Variants in TUB observed in about 807,000 individuals in gnomAD.
TUB encodes TUB bipartite transcription factor, also known as tubby protein homolog.
In TUB, 33 loss-of-function variants were observed where a neutral mutation model predicts 59.7. That is an observed-to-expected ratio of 0.55 (90% CI 0.42 to 0.74). The LOEUF (loss-of-function observed/expected upper bound fraction) is 0.74. TUB is among the 30% of genes least tolerant of loss of function. The pLI is 0.00. For synonymous variants in TUB, 293 were observed against 256.4 expected, an observed-to-expected ratio of 1.14 and a Z score of -1.36; for missense variants, 659 against 672.0, an observed-to-expected ratio of 0.98 and a Z score of 0.21.
intron 9 of TUB, 126 bp downstream of exon 9, chr11:8,099,001 C>T: frequency 2.7e-6 from 2 of 741,128 alleles, no homozygotes; most frequent in Non-Finnish European, 4.7e-6. Flanking sequence ...AGGGGCTGTC[C>T]TCTGTGGAGT....
intron 2 of TUB, among the ~76,000 whole-genome samples, chr11:8,063,435 T>G (rs1034507036): frequency 1.3e-5 from 2 of 152,250 alleles, no homozygotes; most frequent in African/African-American, 4.8e-5. Context: ...GACTGCACGT[T>G]TGCTTCCATG....
intron 2 of TUB, among the ~76,000 whole-genome samples, chr11:8,051,742 A>G (rs1942938365): frequency 6.6e-6 from 1 of 152,246 alleles, no homozygotes; most frequent in South Asian, 2.1e-4. Context: ...GAACATGCTT[A>G]GAAAAGCTCC....
intron 1 of TUB, among the ~76,000 whole-genome samples, chr11:8,083,017 G>C (rs1165892187): frequency 6.6e-6 from 1 of 152,210 alleles, no homozygotes; most frequent in Non-Finnish European, 1.5e-5. Context: ...CAGGGACTGG[G>C]GCTGTGCTGA....
At chr11:8,085,626 C>T (rs943584140) in intron 1 of TUB, among the ~76,000 whole-genome samples, 1 of 152,202 alleles carries the variant, frequency 6.6e-6, no homozygotes, top group Non-Finnish European at 1.5e-5. Flanking sequence ...GCAGGGGTAG[C>T]TTCCACTGTG....
At chr11:8,094,321 T>C (rs927390499) in intron 4 of TUB, 132 bp downstream of exon 4, 31 of 1,222,860 alleles carry the variant, frequency 2.5e-5, no homozygotes, top group Non-Finnish European at 3.4e-5. Context: ...ACTGCCACTC[T>C]GGGCACCCCC....
intron 6 of TUB, 84 bp downstream of exon 6, chr11:8,096,890 C>T (rs531767428): frequency 1.0e-4 from 154 of 1,500,318 alleles, no homozygotes; most frequent in Admixed American, 4.0e-4. Flanking sequence ...GAGATGGACT[C>T]GTATGCCTTT....
At chr11:8,073,388 ATTGT>A (rs1159911419) in intron 2 of TUB, among the ~76,000 whole-genome samples, 1 of 152,192 alleles carries the variant, frequency 6.6e-6, no homozygotes, top group African/African-American at 2.4e-5. Context: ...TCAGAATAGG[ATTGT>A]TTAATATGCA....
chr11:8,084,602 G>A (rs1943632250), intron 1 of TUB, among the ~76,000 whole-genome samples: 1 of 152,210 alleles, frequency 6.6e-6, no homozygotes, highest in South Asian at 2.1e-4. Flanking sequence ...TGAGGCCATT[G>A]CCTGGTGTTT....
chr11:8,057,340 G>A (rs35807385), intron 2 of TUB, among the ~76,000 whole-genome samples: 25,704 of 152,092 alleles, frequency 0.17, 2,474 homozygotes, highest in African/African-American at 0.24. Context: ...TCAAGGCCCA[G>A]TAACGAGATG....
chr11:8,060,817 T>G (rs1481067185), intron 2 of TUB, among the ~76,000 whole-genome samples: 1 of 152,198 alleles, frequency 6.6e-6, no homozygotes, highest in Non-Finnish European at 1.5e-5. Flanking sequence ...CTTGCCAACA[T>G]AGAAGCTGAT....
chr11:8,021,750 A>G (rs796748584), intron 1 of TUB, among the ~76,000 whole-genome samples: 12 of 151,648 alleles, frequency 7.9e-5, no homozygotes, highest in African/African-American at 2.9e-4. Context: ...CCCGTCTCTA[A>G]TAAAAATACA....
intron 1 of TUB, 90 bp from the exon 2 acceptor site, chr11:8,089,520 A>G: frequency 6.6e-7 from 1 of 1,525,230 alleles, no homozygotes; most frequent in Non-Finnish European, 9.1e-7. Flanking sequence ...GGATGGGTTT[A>G]ACGGGCCCAG....
rs569801529 is a variant in TUB, at chr11:8,082,107, C to T, written c.38+559C>T. Among the ~76,000 whole-genome samples, 21 of 152,352 alleles carry T rather than the reference C, an allele frequency of 1.4e-4. 1 individual carries two copies. The highest frequency in any genetic ancestry group is 6.8e-3 in the Middle Eastern group (2 of 294). ...AGACACATGCCTGCATATCTGTGCA[C>T]GTCCACCTCCTGTATCTGGAGAATA... On this transcript the variant is annotated intron_variant, in intron 1 of 11. Coordinates refer to ENST00000299506, the MANE Select transcript of TUB (RefSeq NM_177972.3).
At chr11:8,043,876 C>A (rs1054262669) in intron 2 of TUB, among the ~76,000 whole-genome samples, 2 of 152,086 alleles carry the variant, frequency 1.3e-5, no homozygotes, top group Admixed American at 1.3e-4. Context: ...TTGTTCCTTT[C>A]TAATCTGGAT....
chr11:8,025,061 C>A (rs979701030), intron 1 of TUB, among the ~76,000 whole-genome samples: 17 of 152,286 alleles, frequency 1.1e-4, no homozygotes, highest in Admixed American at 6.5e-4. Flanking sequence ...CTTCTAAATG[C>A]CAGGCAACAT....
At chr11:8,059,539 T>C (rs1589939561) in intron 2 of TUB, among the ~76,000 whole-genome samples, 1 of 152,108 alleles carries the variant, frequency 6.6e-6, no homozygotes, top group African/African-American at 2.4e-5. Flanking sequence ...GTGAAGCAGG[T>C]ACCCAAGGGC....
intron 1 of TUB, among the ~76,000 whole-genome samples, chr11:8,019,596 C>T (rs1362310884): frequency 3.3e-5 from 5 of 152,132 alleles, no homozygotes; most frequent in African/African-American, 1.2e-4. Flanking sequence ...CACGCGGCCA[C>T]TGGGACTAGC....
chr11:8,094,986 G>A (rs934167447), intron 4 of TUB, among the ~76,000 whole-genome samples: 1 of 152,240 alleles, frequency 6.6e-6, no homozygotes, highest in Admixed American at 6.5e-5. Flanking sequence ...TAGGATGGGA[G>A]ATGCTCCATT....
At chr11:8,044,841 CTT>C (rs2133740974) in intron 2 of TUB, among the ~76,000 whole-genome samples, 1 of 152,246 alleles carries the variant, frequency 6.6e-6, no homozygotes, top group Admixed American at 6.5e-5. Flanking sequence ...TTTATTTACT[CTT>C]TACTGATTTA....
Sources: gnomAD v4.1 joint callset for allele counts (sites outside exome capture counted in the v4.1 genomes callset) on GRCh38, gnomAD v4.1.1 for gene constraint, MANE v1.5 for transcripts, NCBI Gene and HGNC (gene_info 2026-07-23, HGNC 2026-07-21) for gene names.